Variants in AGAP1 observed in about 807,000 individuals in gnomAD.
The protein encoded by AGAP1 is ArfGAP with GTPase domain, ankyrin repeat and PH domain 1.
AGAP1 carries 29 observed loss-of-function variants against 105.3 expected under a neutral mutation model. That is an observed-to-expected ratio of 0.28 (90% CI 0.21 to 0.38). AGAP1 has a LOEUF of 0.38. Among genes scored for constraint, AGAP1 ranks in the 10% least tolerant of loss-of-function variants. AGAP1 has a pLI of 1.00. For synonymous variants in AGAP1, 509 were observed against 485.9 expected (o/e 1.05, Z -0.63); for missense variants, 998 against 1,165.1 (o/e 0.86, Z 2.09).
rs2060007307 is a variant in AGAP1 at position 236,126,553 on chromosome 2, A to G, written c.*2431A>G. Reference sequence around the variant, plus strand: ...GTGTTTATAATATAATATTTTCCCAAATGACTTCTTGTTTCACTTTGCCTT... The same window carrying G: ...GTGTTTATAATATAATATTTTCCCAGATGACTTCTTGTTTCACTTTGCCTT... On this transcript the variant is annotated 3_prime_UTR_variant, in exon 18 of 18. Transcript: ENST00000304032. 6.6e-6 allele frequency: 1 copy of G among 152,104 alleles called. No homozygotes were observed. The highest frequency in any genetic ancestry group is 2.4e-5 in the African/African-American group (1 of 41,404). The allele number at this position is 152,104 out of a possible 1,614,324, so 9.4% of individuals were successfully genotyped here.
Position 235,740,960 on chromosome 2 carries a change from C to T in AGAP1, c.311-3C>T, listed in dbSNP as rs1952546044. ...GTAACGAGATGTTTTGTGTGTGTGG[C>T]AGGTGGCAGGTTCAAGAAAGAGATT... is the stretch of plus-strand genomic sequence containing the variant. On this transcript the variant is annotated splice_polypyrimidine_tract_variant and splice_region_variant and intron_variant, in intron 3 of 17. Transcript: ENST00000304032. This position sits in a 1 kb window ranked among gnomAD's most constrained non-coding sequence, Gnocchi z 5.7. 6.2e-7 allele frequency: 1 copy of T among 1,614,150 alleles called. No individual in the cohort carries two copies. Among genetic ancestry groups the T allele is most frequent in the African/African-American group, 1.3e-5 (1 of 75,064 alleles).
In AGAP1 at chr2:236,009,379, G is replaced by A. The variant is rs956784128; in HGVS notation, c.1646-27182G>A. 3.3e-5 allele frequency among the ~76,000 whole-genome samples: 5 copies of A among 151,774 alleles called. No individual in the cohort carries two copies. Among genetic ancestry groups the A allele is most frequent in the African/African-American group, 7.3e-5 (3 of 41,056 alleles). On this transcript the variant is annotated intron_variant, in intron 13 of 17. Transcript: ENST00000304032. This position sits in a 1 kb window ranked among gnomAD's most constrained non-coding sequence, Gnocchi z 4.2. ...ACAGCAGAATCCGCTCACACCTGCCGAGGTTCCTGGGGGATGATCTTTGTG... is the reference window on the plus strand; with the variant it reads ...ACAGCAGAATCCGCTCACACCTGCCAAGGTTCCTGGGGGATGATCTTTGTG...
intron 1 of AGAP1, among the ~76,000 whole-genome samples, chr2:235,679,045 T>C (rs1365655223): frequency 1.3e-5 from 2 of 152,244 alleles, no homozygotes; most frequent in Admixed American, 1.3e-4. Context: ...GATAATACAA[T>C]GATGGCGGCA....
chr2:235,619,506 G>T (rs936568646), intron 1 of AGAP1, among the ~76,000 whole-genome samples: 1 of 148,524 alleles, frequency 6.7e-6, no homozygotes, highest in African/African-American at 2.5e-5. Context: ...ATTCAATCCT[G>T]GGGCTGAAGT....
Position 235,848,868 on chromosome 2 carries a change from A to T in AGAP1, c.1051-34477A>T, listed in dbSNP as rs974187635. On this transcript the variant is annotated intron_variant, in intron 9 of 17. Transcript: ENST00000304032. ...TAGTGGGGAAGGTTTTAGGAATTGT[A>T]TTCGGGGCTGCTTTGTTGTTGCTCC... 5.3e-5 allele frequency among the ~76,000 whole-genome samples: 8 copies of T among 152,280 alleles called. 1 individual carries two copies. Among genetic ancestry groups the T allele is most frequent in the Admixed American group, 3.3e-4 (5 of 15,308 alleles).
intron 14 of AGAP1, among the ~76,000 whole-genome samples, chr2:236,039,186 T>C (rs553616652): frequency 1.3e-4 from 20 of 152,328 alleles, no homozygotes; most frequent in African/African-American, 4.8e-4. Flanking sequence ...GGTTCACGCC[T>C]GTACTCCTAG....
chr2:235,676,595 C>T (rs532079918), intron 1 of AGAP1, among the ~76,000 whole-genome samples: 72 of 152,304 alleles, frequency 4.7e-4, no homozygotes, highest in South Asian at 2.1e-3. Flanking sequence ...AGAATTTATT[C>T]CTGTTCCCCA....
chr2:235,730,964 A>AC (rs1179078085), intron 3 of AGAP1, among the ~76,000 whole-genome samples: 4 of 151,798 alleles, frequency 2.6e-5, no homozygotes, highest in African/African-American at 9.7e-5. Flanking sequence ...CCTGCAGCTT[A>AC]CCCCCAACCC....
rs549848645 is a variant in AGAP1, at chr2:235,863,198, G to A, written c.1051-20147G>A. The stretch of plus-strand genomic sequence containing the variant: ...CATAAGCTCATGATGTAGCAACTAA[G>A]GAGCCAGATGGCAGGGGCATCCCAC... On this transcript the variant is annotated intron_variant, in intron 9 of 17. Transcript: ENST00000304032. Among the ~76,000 whole-genome samples, 16 of 152,334 alleles carry A rather than the reference G, an allele frequency of 1.1e-4. No individual in the cohort carries two copies. In the South Asian group the frequency reaches 2.9e-3, roughly 28 times the overall value.
Position 235,957,955 on chromosome 2 carries a change from A to T in AGAP1, c.1484-10507A>T, listed in dbSNP as rs1482426089. Among the ~76,000 whole-genome samples, 4 of 152,232 alleles carry T rather than the reference A, an allele frequency of 2.6e-5. No individual in the cohort carries two copies. The highest frequency in any genetic ancestry group is 9.6e-5 in the African/African-American group (4 of 41,468). On this transcript the variant is annotated intron_variant, in intron 12 of 17. Coordinates refer to ENST00000304032, the MANE Select transcript of AGAP1 (RefSeq NM_001037131.3). This position sits in a 1 kb window ranked among gnomAD's most constrained non-coding sequence, Gnocchi z 4.6. ...AAGGATTTTTAGTCATGTACCTGACACTGCCAAATAGGTAAATTAAGGTGT... is the reference window on the plus strand; with the variant it reads ...AAGGATTTTTAGTCATGTACCTGACTCTGCCAAATAGGTAAATTAAGGTGT...
chr2:235,523,100 G>A (rs1450478198), intron 1 of AGAP1, among the ~76,000 whole-genome samples: 4 of 152,058 alleles, frequency 2.6e-5, no homozygotes, highest in Admixed American at 6.5e-5. Context: ...GCTTACACAC[G>A]GCTGCCTTCT....
At position 235,882,365 on chromosome 2, in the gene AGAP1, G is replaced by A. The variant is rs2106623982; in HGVS notation, c.1051-980G>A. The A allele has an allele frequency of 7.0e-7, 1 of 1,438,796 alleles. No homozygotes were observed. Among genetic ancestry groups the A allele is most frequent in the Non-Finnish European group, 9.6e-7 (1 of 1,038,470 alleles). 89.1% of individuals were successfully genotyped at this position (1,438,796 alleles called of 1,614,324 possible). ...GGGCAGGAAATCCTCCGGGCTCTTA[G>A]GAAATTTCACTCCGCTTCTGCCCAG... On this transcript the variant is annotated intron_variant, in intron 9 of 17. Transcript: ENST00000304032. The surrounding 1 kb of genome is among the most constrained non-coding windows in gnomAD (Gnocchi z 4.6).
In AGAP1 at chr2:235,885,340, C is replaced by T. The variant is rs1296865274; in HGVS notation, c.1155+1891C>T. Among the ~76,000 whole-genome samples, 3 of 152,230 alleles carry T rather than the reference C, an allele frequency of 2.0e-5. No individual in the cohort carries two copies. The East Asian group carries it at 5.8e-4, about 29-fold the overall frequency. ...ACTGTGTGGATGTGCCTTCATTGAT[C>T]CCACGGTATCTGAAAAATGAACCTT... On this transcript the variant is annotated intron_variant, in intron 10 of 17. Transcript: ENST00000304032.
rs1406566479 is a variant in AGAP1, at chr2:235,600,226, C to T, written c.163+105377C>T. ...CAGGGCCAGAGCTGATGATCTAATT[C>T]GGATGATTTATGGCCTCTGTTTACC... is the stretch of plus-strand genomic sequence containing the variant. On this transcript the variant is annotated intron_variant, in intron 1 of 17. Transcript: ENST00000304032. This position sits in a 1 kb window ranked among gnomAD's most constrained non-coding sequence, Gnocchi z 4.8. Among the ~76,000 whole-genome samples, 1 of 152,142 alleles carries T rather than the reference C, an allele frequency of 6.6e-6. No homozygotes were observed. Among genetic ancestry groups the T allele is most frequent in the Non-Finnish European group, 1.5e-5 (1 of 68,026 alleles).
chr2:235,683,221 A>G (rs1377078455), intron 1 of AGAP1, among the ~76,000 whole-genome samples: 2 of 151,980 alleles, frequency 1.3e-5, no homozygotes, highest in Non-Finnish European at 2.9e-5. Flanking sequence ...CAGGAGAATC[A>G]CCTGAATTCG....
rs2058558496 is a variant in AGAP1 at position 236,073,496 on chromosome 2, A to G, written c.2114+24215A>G. ...AAACATGCTGCAAAACAGCTTGCAA[A>G]ACAGCTGGGGACTGGAGATATTGGA... On this transcript the variant is annotated intron_variant, in intron 16 of 17. Transcript: ENST00000304032. The surrounding 1 kb of genome is among the most constrained non-coding windows in gnomAD (Gnocchi z 5.4). Among the ~76,000 whole-genome samples the G allele has an allele frequency of 6.6e-6, 1 of 152,100 alleles. No homozygotes were observed. Among genetic ancestry groups the G allele is most frequent in the Non-Finnish European group, 1.5e-5 (1 of 68,024 alleles).
chr2:235,628,004 C>G (rs1946697354), intron 1 of AGAP1, among the ~76,000 whole-genome samples: 1 of 152,090 alleles, frequency 6.6e-6, no homozygotes, highest in Non-Finnish European at 1.5e-5. Context: ...GGACAGTGCC[C>G]TTGACTGACA....
At position 236,096,087 on chromosome 2, in the gene AGAP1, A is replaced by C. The variant is rs1436104473; in HGVS notation, c.2115-24105A>C. Among the ~76,000 whole-genome samples, 1 of 152,240 alleles carries C rather than the reference A, an allele frequency of 6.6e-6. No individual in the cohort carries two copies. Among genetic ancestry groups the C allele is most frequent in the Non-Finnish European group, 1.5e-5 (1 of 68,040 alleles). ...TACAGACCTCAGATTTGGTGGAAGC[A>C]ATACTGATGATGGAACCGCAGTACT... On this transcript the variant is annotated intron_variant, in intron 16 of 17. Coordinates refer to ENST00000304032, the MANE Select transcript of AGAP1 (RefSeq NM_001037131.3). The surrounding 1 kb of genome is among the most constrained non-coding windows in gnomAD (Gnocchi z 4.4).
intron 15 of AGAP1, among the ~76,000 whole-genome samples, chr2:236,047,640 C>G (rs1348665878): frequency 7.8e-6 from 1 of 128,468 alleles, no homozygotes; most frequent in Non-Finnish European, 1.6e-5. Context: ...CGTTCTGTCA[C>G]CCAGGCTGGA....
Sources: allele counts gnomAD v4.1 joint callset (sites outside exome capture counted in the v4.1 genomes callset), GRCh38; gene constraint gnomAD v4.1.1; non-coding constraint Gnocchi (gnomAD v3.1); transcripts MANE v1.5; gene names NCBI Gene and HGNC (gene_info 2026-07-23, HGNC 2026-07-21).